The following PAX1 variants were observed in gnomAD, a reference collection of about 807,000 sequenced individuals.
PAX1 encodes the protein paired box protein Pax-1.
Under a neutral mutation model 35.6 loss-of-function variants are expected in PAX1, and 18 were observed. The observed-to-expected ratio is 0.50, with a 90% CI of 0.35 to 0.75. The LOEUF is 0.75. PAX1 is among the 30% of genes least tolerant of loss of function. The pLI is 0.01. For synonymous variants in PAX1, 397 were observed against 305.2 expected, an observed-to-expected ratio of 1.30 and a Z score of -3.14; for missense variants, 760 against 661.5, an observed-to-expected ratio of 1.15 and a Z score of -1.63.
In PAX1 at chr20:21,706,016, G is replaced by C; in HGVS notation, c.286+18G>C. 6.8e-7 allele frequency: 1 copy of C among 1,461,382 alleles called. No homozygotes were observed. 90.5% of individuals were successfully genotyped at this position (1,461,382 alleles called of 1,614,324 possible). ...CGCTATGGGTAAGGGGCGGGCGACAGGCAGGGCTCGGGAGGGCTGATGAGG... is the reference window on the plus strand; with the variant it reads ...CGCTATGGGTAAGGGGCGGGCGACACGCAGGGCTCGGGAGGGCTGATGAGG... On this transcript the variant is annotated intron_variant, in intron 1 of 4. Transcript: ENST00000613128. This position sits in a 1 kb window ranked among gnomAD's most constrained non-coding sequence, Gnocchi z 5.3.
At chr20:21,711,074 G>T (rs1985184218) in intron 4 of PAX1, among the ~76,000 whole-genome samples, 1 of 152,202 alleles carries the variant, frequency 6.6e-6, no homozygotes, top group Admixed American at 6.5e-5. Flanking sequence ...AACAACTGAG[G>T]TTATCTGTCG....
At chr20:21,709,868 T>C (rs1347047864) in intron 4 of PAX1, among the ~76,000 whole-genome samples, 1 of 152,018 alleles carries the variant, frequency 6.6e-6, no homozygotes, top group Non-Finnish European at 1.5e-5. Flanking sequence ...CTAAGCCCTT[T>C]AGGTGGGGTT....
rs576614940 is a variant in PAX1, at chr20:21,714,837, C to T, written c.*275C>T. On this transcript the variant is annotated 3_prime_UTR_variant, in exon 5 of 5. Transcript: ENST00000613128. ...ACCCTCCTCACAATCCTTGCTCTGA[C>T]GTGGCCTCCTTCGCTCTGCCAGCTT... 3 of 1,554,656 alleles carry T rather than the reference C, an allele frequency of 1.9e-6. No individual in the cohort carries two copies. The highest frequency in any genetic ancestry group is 2.2e-5 in the East Asian group (1 of 44,636).
rs1414609274 is a variant in PAX1, at chr20:21,714,534, G to A, written c.1346G>A (p.Gly449Glu). The A allele has an allele frequency of 6.3e-7, 1 of 1,596,738 alleles. No individual in the cohort carries two copies. The highest frequency in any genetic ancestry group is 2.3e-5 in the East Asian group (1 of 43,906). ...KAPDALSSLH[G>E]LPIPASTS is the part of the protein sequence containing the mutation. Reference sequence around the variant, plus strand: ...CCGGACGCCCTCAGTAGCTTACACGGACTGCCCATCCCGGCCTCGACCTCC... The same window carrying A: ...CCGGACGCCCTCAGTAGCTTACACGAACTGCCCATCCCGGCCTCGACCTCC... Residue 449 changes from glycine to glutamate, a missense_variant, in exon 5 of 5, where the codon GGA becomes GAA. Transcript: ENST00000613128.
intron 2 of PAX1, among the ~76,000 whole-genome samples, chr20:21,707,415 T>C (rs1985054614): frequency 6.6e-6 from 1 of 152,160 alleles, no homozygotes; most frequent in Admixed American, 6.5e-5. Flanking sequence ...ACCCTTTCTT[T>C]AGCTCTCAGA....
chr20:21,708,319 G>T, intron 2 of PAX1: 1 of 628,832 alleles, frequency 1.6e-6, no homozygotes, highest in Non-Finnish European at 2.9e-6. Flanking sequence ...GCAGCCTCCC[G>T]TTCGTGGGAA....
intron 4 of PAX1, 126 bp downstream of exon 4, chr20:21,709,570 C>T (rs1212414470): frequency 1.4e-6 from 1 of 690,646 alleles, no homozygotes; most frequent in Non-Finnish European, 2.4e-6. Context: ...ATGAACCCTT[C>T]TTCTGGGTTA....
rs555069430 is a variant in PAX1 at position 21,717,214 on chromosome 20, G to C, written c.*2652G>C. On this transcript the variant is annotated 3_prime_UTR_variant, in exon 5 of 5. Transcript: ENST00000613128. ...CTGAGGATAGGCAGCCTTCGTCCCA[G>C]AGCCAGCAGGCTCTGACATTTCATG... 1 of 152,354 alleles carries C rather than the reference G, an allele frequency of 6.6e-6. No homozygotes were observed. The highest frequency in any genetic ancestry group is 1.9e-4 in the East Asian group (1 of 5,176). The allele number at this position is 152,354 out of a possible 1,614,324, so 9.4% of individuals were successfully genotyped here.
chr20:21,714,810 G>C lies in PAX1; in HGVS notation c.*248G>C, dbSNP rs117973709. ...CTCTGAACTTGGGTTTTAGACTGCC[G>C]TACCCTCCTCACAATCCTTGCTCTG... On this transcript the variant is annotated 3_prime_UTR_variant, in exon 5 of 5. Coordinates refer to ENST00000613128, the MANE Select transcript of PAX1 (RefSeq NM_001257096.2). The C allele has an allele frequency of 1.3e-6, 2 of 1,596,740 alleles. No individual in the cohort carries two copies. Among genetic ancestry groups the C allele is most frequent in the South Asian group, 1.1e-5 (1 of 90,998 alleles).
rs771683274 is a variant in PAX1, at chr20:21,706,384, A to ACCCGCCGGGTGTTTTCTCC, written c.287-50_287-32dup. On this transcript the variant is annotated intron_variant, in intron 1 of 4. Coordinates refer to ENST00000613128, the MANE Select transcript of PAX1 (RefSeq NM_001257096.2). The surrounding 1 kb of genome is among the most constrained non-coding windows in gnomAD (Gnocchi z 5.3). The stretch of plus-strand genomic sequence containing the variant: ...CGCTCCGCGTGGGGACCCTTGGCTA[A>ACCCGCCGGGTGTTTTCTCC]CCCGCCGGGTGTTTTCTCCCCCTCC... 4.1e-5 allele frequency: 65 copies of ACCCGCCGGGTGTTTTCTCC among 1,604,926 alleles called. No homozygotes were observed. Among genetic ancestry groups the ACCCGCCGGGTGTTTTCTCC allele is most frequent in the Middle Eastern group, 1.6e-4 (1 of 6,078 alleles).
Position 21,706,047 on chromosome 20 carries a change from C to T in PAX1, c.286+49C>T, listed in dbSNP as rs1227903460. ...GCTCGGGAGGGCTGATGAGGTGGGTCGGGTCCGCCTGCCTCCCTTCCCTCT... is the reference window on the plus strand; with the variant it reads ...GCTCGGGAGGGCTGATGAGGTGGGTTGGGTCCGCCTGCCTCCCTTCCCTCT... On this transcript the variant is annotated intron_variant, in intron 1 of 4. Coordinates refer to ENST00000613128, the MANE Select transcript of PAX1 (RefSeq NM_001257096.2). This position sits in a 1 kb window ranked among gnomAD's most constrained non-coding sequence, Gnocchi z 5.3. 2 of 1,391,076 alleles carry T rather than the reference C, an allele frequency of 1.4e-6. No individual in the cohort carries two copies. The highest frequency in any genetic ancestry group is 1.9e-6 in the Non-Finnish European group (2 of 1,049,602). The allele number at this position is 1,391,076 out of a possible 1,614,324, so 86.2% of individuals were successfully genotyped here.
intron 4 of PAX1, among the ~76,000 whole-genome samples, 156 bp from the exon 5 acceptor site, chr20:21,714,315 G>GGGGTCTCTGGAGAGCGC (rs1376730447): frequency 6.6e-6 from 1 of 152,158 alleles, no homozygotes; most frequent in Non-Finnish European, 1.5e-5. Flanking sequence ...ACGGAAGCTT[G>GGGGTCTCTGGAGAGCGC]GGGTCTCTGG....
At chr20:21,710,289 T>A (rs1239556129) in intron 4 of PAX1, among the ~76,000 whole-genome samples, 5 of 152,186 alleles carry the variant, frequency 3.3e-5, no homozygotes, top group Non-Finnish European at 7.3e-5. Flanking sequence ...TTCCTTTAAC[T>A]TGGGAAAAGC....
At chr20:21,714,449 G>T in intron 4 of PAX1, 22 bp from the exon 5 acceptor site, 1 of 1,538,872 alleles carries the variant, frequency 6.5e-7, no homozygotes, top group Non-Finnish European at 8.8e-7. Flanking sequence ...GTGATCCGAC[G>T]CCTCTGTGCT....
chr20:21,713,652 A>G (rs1985269798), intron 4 of PAX1, among the ~76,000 whole-genome samples: 1 of 152,200 alleles, frequency 6.6e-6, no homozygotes, highest in Admixed American at 6.5e-5. Context: ...AAGGTTGGGA[A>G]AGGAAAAACA....
In PAX1 at chr20:21,708,655, T is replaced by A. The variant is rs1291832411; in HGVS notation, c.1014T>A (p.Asn338Lys). 4.3e-6 allele frequency: 7 copies of A among 1,613,576 alleles called. No individual in the cohort carries two copies. The South Asian group carries it at 5.5e-5, about 13-fold the overall frequency. ...RTAFPATPAV[N>K]GLEKPALEAD... Reference sequence around the variant, plus strand: ...CCTTCCCCGCCACCCCCGCAGTGAATGGGCTAGAGAAACCTGCCTTAGAGG... The same window carrying A: ...CCTTCCCCGCCACCCCCGCAGTGAAAGGGCTAGAGAAACCTGCCTTAGAGG... The change falls in exon 3 of 5, where the codon AAT becomes AAA. Residue 338 changes from asparagine to lysine, a missense_variant. By Grantham distance (94) the Asn-to-Lys change is moderately conservative (BLOSUM62 0). This residue lies in a region of PAX1 where 490 missense variants were observed against 428.4 expected (regional missense o/e 1.14). Coordinates refer to ENST00000613128, the MANE Select transcript of PAX1 (RefSeq NM_001257096.2).
chr20:21,708,335 T>A lies in PAX1; in HGVS notation c.917-223T>A, dbSNP rs1985080797. On this transcript the variant is annotated intron_variant, in intron 2 of 4. Transcript: ENST00000613128. ...CAGCCTCCCGTTCGTGGGAAACCGG[T>A]TGAAGGCTAGGAGGACCGGGCAGCA... The A allele has an allele frequency of 4.5e-6, 3 of 659,612 alleles. 1 individual carries two copies. The South Asian group carries it at 5.1e-5, about 11-fold the overall frequency. The allele number at this position is 659,612 out of a possible 1,614,324, so 40.9% of individuals were successfully genotyped here. A position where few individuals can be genotyped will look rare whatever the true frequency, so the allele number is the denominator to read the frequency against.
Position 21,706,100 on chromosome 20 carries a change from C to T in PAX1, c.286+102C>T, listed in dbSNP as rs912483661. Reference sequence around the variant, plus strand: ...TCCGCTTTCCCTGGGCGACCCAGTCCTGGGTCCTGGAGAAGCTGCATTCTC... The same window carrying T: ...TCCGCTTTCCCTGGGCGACCCAGTCTTGGGTCCTGGAGAAGCTGCATTCTC... On this transcript the variant is annotated intron_variant, in intron 1 of 4. Transcript: ENST00000613128. The surrounding 1 kb of genome is among the most constrained non-coding windows in gnomAD (Gnocchi z 5.3). 1 of 1,025,818 alleles carries T rather than the reference C, an allele frequency of 9.7e-7. No individual in the cohort carries two copies. The highest frequency in any genetic ancestry group is 1.4e-6 in the Non-Finnish European group (1 of 702,332). The allele number at this position is 1,025,818 out of a possible 1,614,324, so 63.5% of individuals were successfully genotyped here.
rs1381747996 is a variant in PAX1, at chr20:21,705,941, A to AGCCCCGGCC, written c.230_238dup (p.Gly79_His80insArgProGly). 6.7e-7 allele frequency: 1 copy of AGCCCCGGCC among 1,483,356 alleles called. No homozygotes were observed. The allele number at this position is 1,483,356 out of a possible 1,614,324, so 91.9% of individuals were successfully genotyped here. A position where few individuals can be genotyped will look rare whatever the true frequency, so the allele number is the denominator to read the frequency against. On this transcript the variant is annotated inframe_insertion, in exon 1 of 5. Transcript: ENST00000613128. ...AGCTCTCCCGGACTGCGCCGGGCCC[A>AGCCCCGGCC]GCCCCGGCCACCCCGGCCACCCCGG... is the stretch of plus-strand genomic sequence containing the variant.
Sources: allele counts gnomAD v4.1 joint callset (sites outside exome capture counted in the v4.1 genomes callset), GRCh38; gene constraint gnomAD v4.1.1; regional missense constraint gnomAD v4.1.1; non-coding constraint Gnocchi (gnomAD v3.1); transcripts MANE v1.5; gene names NCBI Gene and HGNC (gene_info 2026-07-23, HGNC 2026-07-21).